SLC13A4: variants seen among roughly 807,000 people sequenced by gnomAD.
SLC13A4 encodes the protein Na(+)/sulfate cotransporter SUT-1.
A neutral mutation model predicts 72.7 loss-of-function variants in SLC13A4; 28 were observed. The ratio of observed to expected loss-of-function variants is 0.39; its 90% CI spans 0.29 to 0.53. The LOEUF (loss-of-function observed/expected upper bound fraction) is 0.53, where lower values mean the gene tolerates loss of function less well. Among genes scored for constraint, SLC13A4 ranks in the 20% least tolerant of loss-of-function variants. The probability of loss-of-function intolerance (pLI) is 0.78; values close to 1 mark genes in which losing one functional copy is unlikely to be tolerated. For missense variants in SLC13A4, 653 were observed against 788.0 expected (o/e 0.83, Z 2.05); for synonymous variants, 312 against 325.5 (o/e 0.96, Z 0.45).
At chr7:135,725,914 A>G (rs1215176567) in intron 1 of SLC13A4, among the ~76,000 whole-genome samples, 1 of 152,188 alleles carries the variant, frequency 6.6e-6, no homozygotes, top group East Asian at 1.9e-4. Flanking sequence ...GGCTGCAGTG[A>G]GCTACGATTG....
chr7:135,695,043 T>C (rs1240137585), intron 9 of SLC13A4, among the ~76,000 whole-genome samples: 2 of 152,374 alleles, frequency 1.3e-5, no homozygotes, highest in East Asian at 1.9e-4. Flanking sequence ...TAATTGGAAG[T>C]GCTCTGTATG....
intron 2 of SLC13A4, 40 bp from the exon 3 acceptor site, chr7:135,708,290 A>G (rs1408039516): frequency 6.2e-7 from 1 of 1,612,682 alleles, no homozygotes; most frequent in Admixed American, 1.7e-5. Context: ...CTCCCGGACC[A>G]AAGACCCAGG....
chr7:135,705,983 G>A, intron 4 of SLC13A4, 145 bp downstream of exon 4: 1 of 705,816 alleles, frequency 1.4e-6, no homozygotes, highest in African/African-American at 1.8e-5. Context: ...AGAGGAGAGA[G>A]GGAAGAGGAA....
At chr7:135,688,870 T>G (rs1795703770) in intron 13 of SLC13A4, 1 of 152,140 alleles carries the variant, frequency 6.6e-6, no homozygotes, top group South Asian at 2.1e-4. Context: ...TGTTTTTTTT[T>G]TGTTTTTGTT....
intron 8 of SLC13A4, among the ~76,000 whole-genome samples, chr7:135,696,550 G>A (rs775214003): frequency 3.3e-5 from 5 of 151,848 alleles, no homozygotes; most frequent in African/African-American, 9.7e-5. Flanking sequence ...ACGGGGTTTC[G>A]CCATGTTGGC....
chr7:135,689,853 T>C (rs932085277), intron 13 of SLC13A4, among the ~76,000 whole-genome samples: 1 of 152,078 alleles, frequency 6.6e-6, no homozygotes, highest in African/African-American at 2.4e-5. Context: ...TGTGACCTTA[T>C]TATTAATAAT....
intron 4 of SLC13A4, 84 bp from the exon 5 acceptor site, chr7:135,705,734 G>A: frequency 8.7e-7 from 1 of 1,155,990 alleles, no homozygotes; most frequent in Non-Finnish European, 1.3e-6. Flanking sequence ...AAGGGCTTAG[G>A]GCGGAGGTGG....
chr7:135,720,459 G>A (rs571402928), intron 2 of SLC13A4, among the ~76,000 whole-genome samples: 25 of 151,238 alleles, frequency 1.7e-4, no homozygotes, highest in Admixed American at 5.9e-4. Context: ...AGTGCCTGGC[G>A]CTTAGTAGGC....
chr7:135,698,676 C>T (rs1795961122), intron 8 of SLC13A4, among the ~76,000 whole-genome samples: 1 of 149,798 alleles, frequency 6.7e-6, no homozygotes, highest in Admixed American at 6.7e-5. Context: ...GCCCTGTTGC[C>T]CAGGCTGGAG....
chr7:135,693,694 C>G (rs1337111233), intron 10 of SLC13A4, among the ~76,000 whole-genome samples: 2 of 152,196 alleles, frequency 1.3e-5, no homozygotes, highest in East Asian at 1.9e-4. Flanking sequence ...CTTGGACGCT[C>G]TCTCTCCAAG....
At chr7:135,720,906 G>T (rs142877522) in intron 2 of SLC13A4, among the ~76,000 whole-genome samples, 3 of 152,286 alleles carry the variant, frequency 2.0e-5, no homozygotes, top group Admixed American at 6.5e-5. Context: ...TTTTTTGGAG[G>T]CGTGGATGAA....
intron 2 of SLC13A4, among the ~76,000 whole-genome samples, chr7:135,712,400 G>A (rs950602023): frequency 1.2e-4 from 18 of 149,688 alleles, no homozygotes; most frequent in African/African-American, 4.2e-4. Flanking sequence ...GGAGTCAGCC[G>A]GGACTCCACT....
chr7:135,711,551 G>A (rs979380269), intron 2 of SLC13A4, among the ~76,000 whole-genome samples: 1 of 152,154 alleles, frequency 6.6e-6, no homozygotes, highest in Non-Finnish European at 1.5e-5. Flanking sequence ...TACTGATGAG[G>A]AAACTGGGGG....
intron 3 of SLC13A4, chr7:135,707,301 G>C (rs1279242011): frequency 6.6e-6 from 1 of 152,150 alleles, no homozygotes; most frequent in East Asian, 1.9e-4. Context: ...TTGAGTGTAG[G>C]GGCAAGATTA....
intron 2 of SLC13A4, among the ~76,000 whole-genome samples, chr7:135,710,801 G>A (rs1274486226): frequency 6.6e-6 from 1 of 152,202 alleles, no homozygotes; most frequent in African/African-American, 2.4e-5. Flanking sequence ...AGGGACATCT[G>A]CCCTCACTGT....
chr7:135,687,435 C>T (rs1213446202), intron 13 of SLC13A4, among the ~76,000 whole-genome samples: 1 of 152,230 alleles, frequency 6.6e-6, no homozygotes, highest in Non-Finnish European at 1.5e-5. Context: ...CTTCCAAATT[C>T]ATCAAAAGCT....
chr7:135,704,504 C>G (rs774574966), intron 5 of SLC13A4: 1 of 149,848 alleles, frequency 6.7e-6, no homozygotes, highest in African/African-American at 2.5e-5. Context: ...AGTGAGGGTG[C>G]GGTTAGGGGA....
chr7:135,699,834 CTAT>C (rs1334331121), intron 7 of SLC13A4, among the ~76,000 whole-genome samples: 10 of 152,240 alleles, frequency 6.6e-5, no homozygotes, highest in Middle Eastern at 3.4e-3. Flanking sequence ...GAATGGTAGG[CTAT>C]TATTATTTTT....
In SLC13A4 at chr7:135,727,520, G is replaced by A. The variant is rs566205172; in HGVS notation, c.-24C>T. On this transcript the variant is annotated 5_prime_UTR_variant, in exon 1 of 16. The change creates a new upstream start codon in the 5' untranslated region. Transcript: ENST00000682651. ...ATCGCGCCTCTGTCCTCTCCAGCTC[G>A]TCCTTGGACCCCGCTCTGCCGGCGA... The A allele has an allele frequency of 5.6e-5, 86 of 1,541,908 alleles. No homozygotes were observed. The highest frequency in any genetic ancestry group is 1.2e-5 in the South Asian group (1 of 83,496).
Sources: gnomAD v4.1 joint callset for allele counts (sites outside exome capture counted in the v4.1 genomes callset) on GRCh38, gnomAD v4.1.1 for gene constraint, MANE v1.5 for transcripts, NCBI Gene and HGNC (gene_info 2026-07-23, HGNC 2026-07-21) for gene names.